The following FGGY variants were observed in gnomAD, a reference collection of about 807,000 sequenced individuals.
FGGY encodes the protein FGGY carbohydrate kinase domain-containing protein.
A neutral mutation model predicts 71.3 loss-of-function variants in FGGY; 72 were observed. That is an observed-to-expected ratio of 1.01 (90% CI 0.84 to 1.23). FGGY has a LOEUF of 1.23. Ranked by LOEUF, FGGY falls within the 50% of genes most tolerant of loss-of-function variation. FGGY has a pLI of 0.00. For missense variants in FGGY, 668 were observed against 682.3 expected, an observed-to-expected ratio of 0.98 and a Z score of 0.23; for synonymous variants, 251 against 250.3, an observed-to-expected ratio of 1.00 and a Z score of -0.02.
intron 7 of FGGY, among the ~76,000 whole-genome samples, chr1:59,526,636 G>A (rs1367775029): frequency 1.3e-5 from 2 of 152,232 alleles, no homozygotes. Flanking sequence ...TGAAAACTTG[G>A]ATAAGCCTTT....
rs915190608 is a variant in FGGY at position 59,665,280 on chromosome 1, T to C, written c.1297-2003T>C. On this transcript the variant is annotated intron_variant, in intron 12 of 15. Coordinates refer to ENST00000303721, the MANE Select transcript of FGGY (RefSeq NM_018291.5). ...TCTGGGAATAATCAGCCCTAGTTAG[T>C]ATGTAGGATCTGGCCTTATATGGCA... Among the ~76,000 whole-genome samples the C allele has an allele frequency of 5.3e-5, 8 of 152,324 alleles. No individual in the cohort carries two copies. In the South Asian group the frequency reaches 6.2e-4, roughly 12 times the overall value.
chr1:59,348,277 A>G (rs2052523175), intron 4 of FGGY, among the ~76,000 whole-genome samples: 1 of 152,162 alleles, frequency 6.6e-6, no homozygotes, highest in South Asian at 2.1e-4. Context: ...GCTGTTCTGT[A>G]CACTTTTAGC....
At chr1:59,347,713 C>T (rs1340909708) in intron 4 of FGGY, among the ~76,000 whole-genome samples, 6 of 152,098 alleles carry the variant, frequency 3.9e-5, no homozygotes, top group Non-Finnish European at 8.8e-5. Context: ...GGAAAGGATT[C>T]CCTATTTAAT....
chr1:59,321,772 T>C, intron 2 of FGGY, 22 bp downstream of exon 2: 1 of 1,598,238 alleles, frequency 6.3e-7, no homozygotes, highest in Non-Finnish European at 8.5e-7. Flanking sequence ...ACTGGTGTTC[T>C]CTCCTTGTTC....
chr1:59,445,657 C>A (rs7549885), intron 5 of FGGY, among the ~76,000 whole-genome samples: 1 of 152,172 alleles, frequency 6.6e-6, no homozygotes, highest in Non-Finnish European at 1.5e-5. Flanking sequence ...TCACAGCAAA[C>A]CTAAGGCAGC....
At chr1:59,325,218 G>A (rs868433742) in intron 2 of FGGY, among the ~76,000 whole-genome samples, 3 of 152,074 alleles carry the variant, frequency 2.0e-5, no homozygotes, top group Non-Finnish European at 4.4e-5. Flanking sequence ...TTAACCAGGT[G>A]TGGTGGCGGG....
At chr1:59,625,150 C>G (rs1285560062) in intron 9 of FGGY, among the ~76,000 whole-genome samples, 1 of 152,128 alleles carries the variant, frequency 6.6e-6, no homozygotes, top group African/African-American at 2.4e-5. Context: ...GTTTTAGCAT[C>G]CTAGAAACTC....
At chr1:59,635,682 C>G (rs757929333) in intron 10 of FGGY, among the ~76,000 whole-genome samples, 1 of 152,086 alleles carries the variant, frequency 6.6e-6, no homozygotes, top group Non-Finnish European at 1.5e-5. Flanking sequence ...GAATGTGATT[C>G]CTGTTGGACC....
chr1:59,489,910 A>G (rs1314099567), intron 6 of FGGY, among the ~76,000 whole-genome samples: 1 of 152,100 alleles, frequency 6.6e-6, no homozygotes, highest in African/African-American at 2.4e-5. Flanking sequence ...TCACTATCCT[A>G]ACTGGGATAA....
At chr1:59,558,395 G>A (rs1391582506) in intron 8 of FGGY, among the ~76,000 whole-genome samples, 4 of 152,140 alleles carry the variant, frequency 2.6e-5, no homozygotes, top group African/African-American at 9.7e-5. Context: ...TACAACGAGA[G>A]GAATTTTACA....
chr1:59,321,828 C>A, intron 2 of FGGY, 78 bp downstream of exon 2: 1 of 1,442,140 alleles, frequency 6.9e-7, no homozygotes, highest in Non-Finnish European at 9.4e-7. Flanking sequence ...GTGCCGTAAA[C>A]AATGTTGGGG....
chr1:59,528,728 A>G (rs765503626), intron 7 of FGGY, among the ~76,000 whole-genome samples: 9 of 152,204 alleles, frequency 5.9e-5, no homozygotes, highest in Non-Finnish European at 1.2e-4. Context: ...TATCAATAAT[A>G]TGAATGAAAA....
At chr1:59,537,744 G>A (rs1570913395) in intron 7 of FGGY, among the ~76,000 whole-genome samples, 2 of 152,016 alleles carry the variant, frequency 1.3e-5, no homozygotes, top group Admixed American at 6.5e-5. Context: ...CAAGCAATGG[G>A]GAAAGGATTC....
At chr1:59,665,872 A>G (rs1194343742) in intron 12 of FGGY, among the ~76,000 whole-genome samples, 1 of 151,878 alleles carries the variant, frequency 6.6e-6, no homozygotes, top group Non-Finnish European at 1.5e-5. Context: ...ATGGGGTTTC[A>G]CCATATTAGC....
chr1:59,426,583 T>C (rs950246398), intron 5 of FGGY, among the ~76,000 whole-genome samples: 3 of 152,156 alleles, frequency 2.0e-5, no homozygotes, highest in African/African-American at 4.8e-5. Context: ...ACCTCAGGAG[T>C]TCCCCCATTG....
At chr1:59,661,751 C>T (rs965498008) in intron 12 of FGGY, among the ~76,000 whole-genome samples, 4 of 150,938 alleles carry the variant, frequency 2.7e-5, no homozygotes, top group African/African-American at 9.7e-5. Flanking sequence ...GACAGAGTCT[C>T]GCTCTGTTGC....
intron 5 of FGGY, among the ~76,000 whole-genome samples, chr1:59,401,054 A>G (rs1224171518): frequency 6.6e-6 from 1 of 152,134 alleles, no homozygotes; most frequent in Non-Finnish European, 1.5e-5. Context: ...ATTATTTGAC[A>G]TTTTATAAAA....
chr1:59,744,401 A>C (rs773421758), intron 14 of FGGY, among the ~76,000 whole-genome samples: 1 of 152,180 alleles, frequency 6.6e-6, no homozygotes, highest in Non-Finnish European at 1.5e-5. Flanking sequence ...GTGTATTTTC[A>C]GTAGAGACAG....
chr1:59,627,454 TTATATA>T (rs60500862), intron 10 of FGGY, among the ~76,000 whole-genome samples: 26,554 of 97,132 alleles, frequency 0.27, 3,724 homozygotes, highest in Non-Finnish European at 0.33. Flanking sequence ...ACTTATGATT[TTATATA>T]TATATATATA....
Sources: gnomAD v4.1 joint callset for allele counts (sites outside exome capture counted in the v4.1 genomes callset) on GRCh38, gnomAD v4.1.1 for gene constraint, MANE v1.5 for transcripts, NCBI Gene and HGNC (gene_info 2026-07-23, HGNC 2026-07-21) for gene names.